The following FGF1 variants were observed in gnomAD, a reference collection of about 807,000 sequenced individuals.
The protein encoded by FGF1 is beta-endothelial cell growth factor.
In FGF1, 9 loss-of-function variants were observed where a neutral mutation model predicts 13.4. The ratio of observed to expected loss-of-function variants is 0.67; its 90% CI spans 0.40 to 1.17. The LOEUF is 1.17. Among genes scored for constraint, FGF1 ranks in the 50% most tolerant of loss-of-function variants. The pLI is 0.01. For synonymous variants in FGF1, 93 were observed against 79.0 expected, an observed-to-expected ratio of 1.18 and a Z score of -0.94; for missense variants, 156 against 192.7, an observed-to-expected ratio of 0.81 and a Z score of 1.13.
intron 1 of FGF1, among the ~76,000 whole-genome samples, chr5:142,646,116 A>C (rs537432633): frequency 6.7e-6 from 1 of 149,632 alleles, no homozygotes; most frequent in African/African-American, 2.5e-5. Context: ...TCAGTGTGTT[A>C]GCCAGGATGG....
At chr5:142,693,330 G>T (rs568209933) in intron 2 of FGF1, among the ~76,000 whole-genome samples, 1 of 151,676 alleles carries the variant, frequency 6.6e-6, no homozygotes, top group East Asian at 1.9e-4. Context: ...TCACTCTGTC[G>T]CCCAGGCTGG....
intron 1 of FGF1, among the ~76,000 whole-genome samples, chr5:142,629,900 T>A (rs1426391679): frequency 9.0e-5 from 13 of 145,234 alleles, no homozygotes; most frequent in African/African-American, 3.3e-4. Context: ...TATATATTTT[T>A]TTTTTTTCTT....
intron 1 of FGF1, among the ~76,000 whole-genome samples, chr5:142,676,577 G>C (rs1279511760): frequency 6.6e-6 from 1 of 152,212 alleles, no homozygotes; most frequent in Non-Finnish European, 1.5e-5. Flanking sequence ...CCATTCCAGG[G>C]TTCATGCTTT....
chr5:142,692,402 T>C (rs1206853859), intron 2 of FGF1, among the ~76,000 whole-genome samples: 1 of 152,212 alleles, frequency 6.6e-6, no homozygotes, highest in Non-Finnish European at 1.5e-5. Flanking sequence ...GAGAGACTTC[T>C]CATTCTTTGC....
intron 1 of FGF1, among the ~76,000 whole-genome samples, chr5:142,643,110 C>T (rs1461943651): frequency 6.6e-6 from 1 of 152,206 alleles, no homozygotes; most frequent in African/African-American, 2.4e-5. Context: ...TCCATGGCTT[C>T]TGCCTCCTCA....
intron 1 of FGF1, among the ~76,000 whole-genome samples, chr5:142,617,352 G>A (rs959612840): frequency 1.3e-5 from 2 of 151,620 alleles, no homozygotes; most frequent in Non-Finnish European, 2.9e-5. Flanking sequence ...GCGACAGAGC[G>A]AGACTCTGTC....
At chr5:142,600,935 A>C in intron 2 of FGF1, 130 bp from the exon 3 acceptor site, 1 of 659,982 alleles carries the variant, frequency 1.5e-6, no homozygotes, top group Non-Finnish European at 2.7e-6. Context: ...GATGAGCCTC[A>C]GATTAATCAA....
chr5:142,613,618 G>C (rs1236155877), intron 2 of FGF1, among the ~76,000 whole-genome samples: 2 of 152,240 alleles, frequency 1.3e-5, no homozygotes, highest in African/African-American at 4.8e-5. Context: ...ATCATGAAGC[G>C]TGCAGGCCCC....
intron 1 of FGF1, among the ~76,000 whole-genome samples, chr5:142,625,275 C>A (rs1762263507): frequency 6.6e-6 from 1 of 151,474 alleles, no homozygotes; most frequent in South Asian, 2.1e-4. Flanking sequence ...CCAGCCCCAG[C>A]TTGCACACTT....
At position 142,593,127 on chromosome 5, in the gene FGF1, G is replaced by C. The variant is rs1000694513; in HGVS notation, c.*2163C>G. On this transcript the variant is annotated 3_prime_UTR_variant, in exon 4 of 4. Coordinates refer to ENST00000337706, the MANE Select transcript of FGF1 (RefSeq NM_000800.5). ...GAAATCACAGACTTCCATTTCACAAGTTAGCAATGGTATTTAATTTTCCTT... is the reference window on the plus strand; with the variant it reads ...GAAATCACAGACTTCCATTTCACAACTTAGCAATGGTATTTAATTTTCCTT... 5 of 152,150 alleles carry C rather than the reference G, an allele frequency of 3.3e-5. No individual in the cohort carries two copies. Among genetic ancestry groups the C allele is most frequent in the Admixed American group, 3.3e-4 (5 of 15,264 alleles). The allele number at this position is 152,150 out of a possible 1,614,324, so 9.4% of individuals were successfully genotyped here.
intron 2 of FGF1, among the ~76,000 whole-genome samples, chr5:142,610,539 C>T (rs1332959111): frequency 2.0e-5 from 3 of 152,194 alleles, no homozygotes; most frequent in Non-Finnish European, 4.4e-5. Flanking sequence ...CTCATGGTGA[C>T]ACCACTTATG....
At chr5:142,615,981 C>A (rs1236060542) in intron 1 of FGF1, among the ~76,000 whole-genome samples, 1 of 152,216 alleles carries the variant, frequency 6.6e-6, no homozygotes, top group African/African-American at 2.4e-5. Flanking sequence ...CTTTTGCCCC[C>A]ATGCCATCTG....
At chr5:142,639,917 G>T (rs889194118) in intron 1 of FGF1, among the ~76,000 whole-genome samples, 4 of 151,910 alleles carry the variant, frequency 2.6e-5, no homozygotes, top group African/African-American at 9.7e-5. Flanking sequence ...GATGGTGGGA[G>T]GGATAAATGA....
chr5:142,595,192 G>T lies in FGF1; in HGVS notation c.*98C>A. 1 of 964,436 alleles carries T rather than the reference G, an allele frequency of 1.0e-6. No homozygotes were observed. The highest frequency in any genetic ancestry group is 1.6e-6 in the Non-Finnish European group (1 of 635,418). 59.7% of individuals were successfully genotyped at this position (964,436 alleles called of 1,614,324 possible). ...ACAAATTCAGGCTCTGTGGGCTGGG[G>T]GTTAGCGCAGCCAATGGTCAAGGGA... On this transcript the variant is annotated 3_prime_UTR_variant, in exon 4 of 4. Coordinates refer to ENST00000337706, the MANE Select transcript of FGF1 (RefSeq NM_000800.5).
At chr5:142,603,269 T>C (rs1756971499) in intron 2 of FGF1, among the ~76,000 whole-genome samples, 1 of 152,154 alleles carries the variant, frequency 6.6e-6, no homozygotes, top group Non-Finnish European at 1.5e-5. Context: ...ACATTCTTCC[T>C]CCAGATATTC....
chr5:142,595,521 G>A (rs753775127), intron 3 of FGF1, 37 bp from the exon 4 acceptor site: 9 of 1,569,660 alleles, frequency 5.7e-6, no homozygotes, highest in Non-Finnish European at 7.8e-6. Flanking sequence ...AGGACAATCA[G>A]TGAGTAGTTT....
At chr5:142,659,558 G>A (rs759002809) in intron 1 of FGF1, among the ~76,000 whole-genome samples, 4 of 152,180 alleles carry the variant, frequency 2.6e-5, no homozygotes, top group Non-Finnish European at 4.4e-5. Flanking sequence ...GAAGCAGAAT[G>A]ATGAAAGGCA....
intron 2 of FGF1, chr5:142,601,236 A>T: frequency 2.3e-6 from 1 of 437,580 alleles, no homozygotes; most frequent in Non-Finnish European, 4.7e-6. Flanking sequence ...TTCTGCTTTC[A>T]TTATCAACCT....
chr5:142,605,590 C>T (rs1003782214), intron 2 of FGF1, among the ~76,000 whole-genome samples: 3 of 152,308 alleles, frequency 2.0e-5, no homozygotes, highest in Non-Finnish European at 2.9e-5. Context: ...GAGCCAGAGG[C>T]CTGCTTAGCA....
Sources: allele counts gnomAD v4.1 joint callset (sites outside exome capture counted in the v4.1 genomes callset), GRCh38; gene constraint gnomAD v4.1.1; transcripts MANE v1.5; gene names NCBI Gene and HGNC (gene_info 2026-07-23, HGNC 2026-07-21).